Variants in KIAA1549 observed in about 807,000 individuals in gnomAD.
KIAA1549 encodes UPF0606 protein KIAA1549.
A neutral mutation model predicts 156.4 loss-of-function variants in KIAA1549; 70 were observed. The ratio of observed to expected loss-of-function variants is 0.45; its 90% CI spans 0.37 to 0.55. The LOEUF is 0.55. Among genes scored for constraint, KIAA1549 ranks in the 20% least tolerant of loss-of-function variants. KIAA1549 has a pLI of 0.00. For synonymous variants in KIAA1549, 1,103 were observed against 1,066.4 expected (o/e 1.03, Z -0.67); for missense variants, 2,428 against 2,540.9 (o/e 0.96, Z 0.96).
intron 8 of KIAA1549, 36 bp downstream of exon 8, chr7:138,903,550 CCT>C: frequency 6.3e-7 from 1 of 1,598,150 alleles, no homozygotes; most frequent in South Asian, 1.1e-5. Flanking sequence ...TGTCTCTCTC[CCT>C]CTCTCTCCTT....
At chr7:138,927,922 CTT>C (rs1200610758) in intron 1 of KIAA1549, among the ~76,000 whole-genome samples, 13 of 139,064 alleles carry the variant, frequency 9.3e-5, no homozygotes, top group Admixed American at 1.4e-4. Context: ...ATTGTCTTGT[CTT>C]TTTTTTTTTT....
chr7:138,840,224 T>A lies in KIAA1549; in HGVS notation c.5507A>T (p.Gln1836Leu). The A allele has an allele frequency of 6.3e-7, 1 of 1,584,640 alleles. No homozygotes were observed. Among genetic ancestry groups the A allele is most frequent in the Admixed American group, 1.8e-5 (1 of 55,292 alleles). The change falls in exon 19 of 20, where the codon CAG becomes CTG. Residue 1836 changes from glutamine (Q) to leucine (L), a missense_variant. By Grantham distance (113) the Gln-to-Leu change is moderately radical. This residue lies in a region of KIAA1549 where 363 missense variants were observed against 354.0 expected (regional missense o/e 1.03). Coordinates refer to ENST00000422774, the MANE Select transcript of KIAA1549 (RefSeq NM_001164665.2). ...TCTGCTTGGCGGGATTTCCACTGGC[T>A]GAGCTCCAATTCTGCTGGCAATCCC... Reference protein sequence around the residue: ...QVGIASRIGAQPVEIPPSRGS... With the variant: ...QVGIASRIGALPVEIPPSRGS...
chr7:138,849,137 A>C (rs1810165345), intron 17 of KIAA1549, among the ~76,000 whole-genome samples: 1 of 152,144 alleles, frequency 6.6e-6, no homozygotes, highest in African/African-American at 2.4e-5. Flanking sequence ...TTTGTTGCAC[A>C]GATTATTTGA....
rs765394302 is a variant in KIAA1549, at chr7:138,922,985, C to T, written c.188-3547G>A. Among the ~76,000 whole-genome samples, 3 of 151,930 alleles carry T rather than the reference C, an allele frequency of 2.0e-5. No individual in the cohort carries two copies. The East Asian group carries it at 5.8e-4, about 29-fold the overall frequency. ...AAAAAAAGAAAAATCCAAACCTATA[C>T]ACATCATGATACCATAGACCAAAGA... On this transcript the variant is annotated intron_variant, in intron 1 of 19. Coordinates refer to ENST00000422774, the MANE Select transcript of KIAA1549 (RefSeq NM_001164665.2).
chr7:138,965,063 C>T (rs528556727), intron 1 of KIAA1549, among the ~76,000 whole-genome samples: 3 of 151,542 alleles, frequency 2.0e-5, no homozygotes, highest in South Asian at 2.1e-4. Context: ...TCTGCTCAAG[C>T]GATCCTCCCT....
intron 15 of KIAA1549, among the ~76,000 whole-genome samples, chr7:138,867,334 C>G: frequency 6.6e-6 from 1 of 152,046 alleles, no homozygotes; most frequent in Non-Finnish European, 1.5e-5. Context: ...GCGGGAGGAT[C>G]ACTTGAGGTC....
At chr7:138,966,527 C>T (rs1423810658) in intron 1 of KIAA1549, among the ~76,000 whole-genome samples, 4 of 152,054 alleles carry the variant, frequency 2.6e-5, no homozygotes, top group Non-Finnish European at 5.9e-5. Context: ...ACCTGAAGTT[C>T]GATGTTCAAG....
At chr7:138,948,010 G>A (rs1288015779) in intron 1 of KIAA1549, among the ~76,000 whole-genome samples, 1 of 152,040 alleles carries the variant, frequency 6.6e-6, no homozygotes, top group Non-Finnish European at 1.5e-5. Context: ...CAATCCACCT[G>A]CCTCGGCCTC....
At chr7:138,908,892 C>T in intron 5 of KIAA1549, 99 bp downstream of exon 5, 1 of 1,456,558 alleles carries the variant, frequency 6.9e-7, no homozygotes, top group Non-Finnish European at 9.4e-7. Context: ...GGGTTTCCGC[C>T]ACTGGAGGGA....
At chr7:138,960,138 CA>C (rs1037360286) in intron 1 of KIAA1549, among the ~76,000 whole-genome samples, 8 of 151,916 alleles carry the variant, frequency 5.3e-5, no homozygotes, top group South Asian at 4.2e-4. Flanking sequence ...AATACTGTGT[CA>C]AAAAATATAC....
intron 1 of KIAA1549, among the ~76,000 whole-genome samples, chr7:138,958,545 C>T (rs545596214): frequency 6.6e-6 from 1 of 152,316 alleles, no homozygotes; most frequent in South Asian, 2.1e-4. Context: ...AACTTCCCAG[C>T]TGTAAAGTTC....
chr7:138,848,818 G>C (rs1471649246), intron 17 of KIAA1549, among the ~76,000 whole-genome samples: 1 of 152,034 alleles, frequency 6.6e-6, no homozygotes, highest in Non-Finnish European at 1.5e-5. Context: ...TTTGTTTGTG[G>C]GAAGAACTGT....
At position 138,911,254 on chromosome 7, in the gene KIAA1549, C is replaced by G; in HGVS notation, c.3037G>C (p.Val1013Leu). 6.2e-7 allele frequency: 1 copy of G among 1,603,964 alleles called. No homozygotes were observed. Among genetic ancestry groups the G allele is most frequent in the Non-Finnish European group, 8.5e-7 (1 of 1,174,834 alleles). ...TTACTGTTTATAAGCACATTTATGA[C>G]GGATATTGCCGTGTAAACGAAAGGA... The part of the protein sequence containing the change: ...SGPFVYTAIS[V>L]INVLINSKLV... Residue 1013 changes from valine to leucine, a missense_variant, in exon 4 of 20, where the codon GTC (valine) becomes CTC (leucine). Val to Leu is a conservative substitution (Grantham distance 32). Transcript: ENST00000422774.
chr7:138,940,109 C>G (rs1385087843), intron 1 of KIAA1549, among the ~76,000 whole-genome samples: 1 of 152,140 alleles, frequency 6.6e-6, no homozygotes, highest in Non-Finnish European at 1.5e-5. Context: ...TCATGTGCTG[C>G]ACCCATTAAC....
intron 10 of KIAA1549, among the ~76,000 whole-genome samples, chr7:138,883,272 C>T (rs1358878010): frequency 8.9e-5 from 5 of 56,318 alleles, no homozygotes; most frequent in African/African-American, 3.3e-4. Flanking sequence ...GACTCCATCT[C>T]AAAAAAAAAA....
chr7:138,899,734 C>CA (rs1369346898), intron 8 of KIAA1549, among the ~76,000 whole-genome samples: 1 of 152,066 alleles, frequency 6.6e-6, no homozygotes, highest in Non-Finnish European at 1.5e-5. Context: ...CAGACACTGC[C>CA]AGATGCACCC....
chr7:138,838,248 A>G, intron 19 of KIAA1549, 88 bp from the exon 20 acceptor site: 3 of 1,357,114 alleles, frequency 2.2e-6, no homozygotes, highest in Non-Finnish European at 2.9e-6. Flanking sequence ...GGTTCCCAGG[A>G]CTGCCCACGT....
intron 4 of KIAA1549, among the ~76,000 whole-genome samples, chr7:138,910,397 CTTTT>C (rs200459041): frequency 4.6e-5 from 6 of 131,020 alleles, no homozygotes; most frequent in African/African-American, 8.6e-5. Flanking sequence ...TTCTTAAATT[CTTTT>C]TTTTTTTTTT....
intron 1 of KIAA1549, among the ~76,000 whole-genome samples, chr7:138,967,642 C>T (rs1026356517): frequency 9.2e-5 from 14 of 152,098 alleles, no homozygotes; most frequent in African/African-American, 2.9e-4. Context: ...TTCCTGGAGC[C>T]GCCTTCCCCA....
Sources: allele counts gnomAD v4.1 joint callset (sites outside exome capture counted in the v4.1 genomes callset), GRCh38; gene constraint gnomAD v4.1.1; regional missense constraint gnomAD v4.1.1; transcripts MANE v1.5; gene names NCBI Gene and HGNC (gene_info 2026-07-23, HGNC 2026-07-21).